Variants in DLG5 observed in about 807,000 individuals in gnomAD.
The protein encoded by DLG5 is disks large homolog 5.
DLG5 carries 48 observed loss-of-function variants against 189.8 expected under a neutral mutation model. The ratio of observed to expected loss-of-function variants is 0.25; its 90% CI spans 0.20 to 0.32. DLG5 has a LOEUF of 0.32. Ranked by LOEUF, DLG5 falls within the 10% of genes least tolerant of loss-of-function variation. The pLI, the probability that DLG5 is intolerant of heterozygous loss-of-function variation, is 1.00. For missense variants in DLG5, 2,160 were observed against 2,544.7 expected (o/e 0.85, Z 3.25); for synonymous variants, 1,016 against 1,054.1 (o/e 0.96, Z 0.70).
chr10:77,821,397 C>A lies in DLG5; in HGVS notation c.3087G>T (p.Glu1029Asp). The change falls in exon 15 of 32, where the codon GAG (glutamate) becomes GAT (aspartate). Residue 1029 changes from glutamate to aspartate, a missense_variant. Glu to Asp is a conservative substitution (Grantham distance 45). Around this residue, in one of 5 missense-constraint regions of DLG5, gnomAD observed 754 missense variants for 746.5 expected, o/e 1.01. Coordinates refer to ENST00000372391, the MANE Select transcript of DLG5 (RefSeq NM_004747.4). Reference protein sequence around the residue: ...SDSIKFQHRLETSSESEATLV... With the variant: ...SDSIKFQHRLDTSSESEATLV... ...GAGTGGCTTCTGACTCGGAGCTAGT[C>A]TCCAGCCTGTGCTGGAACTTAATGG... is the stretch of plus-strand genomic sequence containing the variant. The A allele has an allele frequency of 1.2e-6, 2 of 1,612,612 alleles. No homozygotes were observed. Among genetic ancestry groups the A allele is most frequent in the Non-Finnish European group, 1.7e-6 (2 of 1,179,944 alleles).
chr10:77,886,885 T>C (rs1845457485), intron 1 of DLG5, among the ~76,000 whole-genome samples: 1 of 152,180 alleles, frequency 6.6e-6, no homozygotes, highest in African/African-American at 2.4e-5. Context: ...CATGAAGAAC[T>C]GCACGGAGAA....
At chr10:77,883,022 C>T (rs1002132398) in intron 1 of DLG5, among the ~76,000 whole-genome samples, 2 of 152,088 alleles carry the variant, frequency 1.3e-5, no homozygotes, top group Admixed American at 6.5e-5. Context: ...CCTAGTTTCA[C>T]GCAATTCTAC....
chr10:77,842,412 C>A (rs1394022124), intron 6 of DLG5, among the ~76,000 whole-genome samples: 1 of 152,246 alleles, frequency 6.6e-6, no homozygotes, highest in African/African-American at 2.4e-5. Flanking sequence ...AGGAGTTGAA[C>A]TGAGGACTTC....
chr10:77,814,776 T>C (rs1841971844), intron 20 of DLG5, among the ~76,000 whole-genome samples: 1 of 151,990 alleles, frequency 6.6e-6, no homozygotes, highest in East Asian at 1.9e-4. Flanking sequence ...GGTTTCACCA[T>C]GTTGGCCAGG....
At chr10:77,940,276 C>T in the DLG5 span, among the ~76,000 whole-genome samples, 1 of 152,220 alleles carries the variant, frequency 6.6e-6, no homozygotes, top group Non-Finnish European at 1.5e-5. Flanking sequence ...AGCTTCTCCA[C>T]TTCCCTGCCC....
At chr10:77,906,617 CTTTTTTTTTT>C (rs35116526) in intron 1 of DLG5, among the ~76,000 whole-genome samples, 23 of 102,174 alleles carry the variant, frequency 2.3e-4, no homozygotes, top group African/African-American at 8.4e-4. Flanking sequence ...CTGCGCTCCA[CTTTTTTTTTT>C]TTTTTTTTTT....
At chr10:77,867,264 C>G (rs1325033960) in intron 2 of DLG5, among the ~76,000 whole-genome samples, 24 of 152,164 alleles carry the variant, frequency 1.6e-4, no homozygotes, top group Admixed American at 1.6e-3. Context: ...TCTGGAATCC[C>G]CTTTTAGAAT....
At chr10:77,919,382 C>A (rs1404939100) in intron 1 of DLG5, among the ~76,000 whole-genome samples, 2 of 151,946 alleles carry the variant, frequency 1.3e-5, no homozygotes, top group African/African-American at 4.8e-5. Flanking sequence ...TCGAGTCCAA[C>A]CCAATCACCC....
chr10:77,931,008 C>T (rs567391423), upstream of DLG5, among the ~76,000 whole-genome samples: 16 of 150,236 alleles, frequency 1.1e-4, no homozygotes, highest in Non-Finnish European at 2.1e-4. Flanking sequence ...TTAGTAGAGA[C>T]GGGGTTTCTC....
intron 2 of DLG5, among the ~76,000 whole-genome samples, chr10:77,865,453 C>T (rs1022170613): frequency 6.6e-6 from 1 of 152,114 alleles, no homozygotes; most frequent in African/African-American, 2.4e-5. Flanking sequence ...GCAATTTCTC[C>T]TGCCGATAAG....
At chr10:77,819,526 C>T (rs1842230259) in intron 16 of DLG5, 61 bp from the exon 17 acceptor site, 20 of 1,555,480 alleles carry the variant, frequency 1.3e-5, no homozygotes, top group Non-Finnish European at 1.7e-5. Flanking sequence ...AGGACTTACA[C>T]AAGCCTTTCC....
chr10:77,796,387 CAGGTGGACAGGG>C lies in DLG5; in HGVS notation c.5308+52_5308+63del. 6.2e-7 allele frequency: 1 copy of C among 1,611,942 alleles called. No individual in the cohort carries two copies. Among genetic ancestry groups the C allele is most frequent in the South Asian group, 1.1e-5 (1 of 90,842 alleles). ...CACCCACTGTGCACAGCTGGGCAGG[CAGGTGGACAGGG>C]ACATAGAGACAAAGAGCCCAGTAGG... On this transcript the variant is annotated intron_variant, in intron 28 of 31. Coordinates refer to ENST00000372391, the MANE Select transcript of DLG5 (RefSeq NM_004747.4). The surrounding 1 kb of genome is among the most constrained non-coding windows in gnomAD (Gnocchi z 5.2).
At chr10:77,931,629 C>T (rs1344195253), upstream of DLG5, among the ~76,000 whole-genome samples, 3 of 152,132 alleles carry the variant, frequency 2.0e-5, no homozygotes, top group Non-Finnish European at 2.9e-5. Flanking sequence ...CCTTATCCTT[C>T]ACACCTCCTC....
intron 1 of DLG5, among the ~76,000 whole-genome samples, chr10:77,905,180 T>C (rs1232600477): frequency 6.6e-6 from 1 of 152,022 alleles, no homozygotes; most frequent in Non-Finnish European, 1.5e-5. Flanking sequence ...AAAAATATTT[T>C]CATAGAGATG....
rs748093843 is a variant in DLG5 at position 77,811,156 on chromosome 10, G to A, written c.4401C>T (p.Ile1467=). 2.2e-5 allele frequency: 35 copies of A among 1,613,216 alleles called. No homozygotes were observed. The highest frequency in any genetic ancestry group is 2.7e-5 in the African/African-American group (2 of 74,970). Residue 1467 remains isoleucine (I), a synonymous_variant, in exon 23 of 32, where the codon ATC becomes ATT. Transcript: ENST00000372391. The part of the protein sequence containing the change: ...GTTTPEHPSV[I]DPLMEQDEGP... ...CCTCGTCCTGCTCCATCAGTGGGTC[G>A]ATGACAGATGGATGCTCCGGGGTGG...
intron 1 of DLG5, among the ~76,000 whole-genome samples, chr10:77,900,417 A>G (rs1845889123): frequency 6.6e-6 from 1 of 152,124 alleles, no homozygotes; most frequent in Non-Finnish European, 1.5e-5. Flanking sequence ...CACCTAATGA[A>G]CTTCTACTCA....
At chr10:77,880,388 AG>A (rs1212374676) in intron 1 of DLG5, among the ~76,000 whole-genome samples, 4 of 152,218 alleles carry the variant, frequency 2.6e-5, no homozygotes, top group Non-Finnish European at 5.9e-5. Flanking sequence ...CAGGAGGCGG[AG>A]GTTGCAGTGA....
At chr10:77,820,955 AGCAAAG>A in intron 15 of DLG5, 121 bp downstream of exon 15, 1 of 1,322,422 alleles carries the variant, frequency 7.6e-7, no homozygotes, top group Non-Finnish European at 1.0e-6. Context: ...TGAGTCCAAC[AGCAAAG>A]GCAAAGGCAC....
chr10:77,935,003 G>GC, the DLG5 span, among the ~76,000 whole-genome samples: 5 of 151,842 alleles, frequency 3.3e-5, no homozygotes, highest in Non-Finnish European at 7.4e-5. Flanking sequence ...GACTACAGGC[G>GC]CCCGCCACCA....
Sources: allele counts gnomAD v4.1 joint callset (sites outside exome capture counted in the v4.1 genomes callset), GRCh38; gene constraint gnomAD v4.1.1; regional missense constraint gnomAD v4.1.1; non-coding constraint Gnocchi (gnomAD v3.1); transcripts MANE v1.5; gene names NCBI Gene and HGNC (gene_info 2026-07-23, HGNC 2026-07-21).